NME7: variants seen among roughly 807,000 people sequenced by gnomAD.
NME7 encodes NME/NM23 family member 7.
NME7 carries 41 observed loss-of-function variants against 49.1 expected under a neutral mutation model. The observed-to-expected ratio is 0.83, with a 90% CI of 0.65 to 1.08. The LOEUF (loss-of-function observed/expected upper bound fraction) is 1.08, where lower values mean the gene tolerates loss of function less well. Ranked by LOEUF, NME7 falls within the 50% of genes least tolerant of loss-of-function variation. The pLI is 0.00. For missense variants in NME7, 423 were observed against 463.4 expected (o/e 0.91, Z 0.80); for synonymous variants, 139 against 150.6 (o/e 0.92, Z 0.56).
intron 11 of NME7, among the ~76,000 whole-genome samples, chr1:169,146,859 T>A (rs1658770062): frequency 6.6e-6 from 1 of 152,212 alleles, no homozygotes; most frequent in Non-Finnish European, 1.5e-5. Flanking sequence ...AACAGAAGTA[T>A]GTATAAGGAC....
In NME7 at chr1:169,303,437, T is replaced by C. The variant is rs1244121536; in HGVS notation, c.390-242A>G. On this transcript the variant is annotated intron_variant, in intron 4 of 11. Coordinates refer to ENST00000367811, the MANE Select transcript of NME7 (RefSeq NM_013330.5). ...AATGTTTACTTTTCTACTTATGTTA[T>C]ATATTGTCTATCTTCTTCTTTTTTT... The C allele has an allele frequency of 1.4e-5, 3 of 215,422 alleles. 1 individual carries two copies. Among genetic ancestry groups the C allele is most frequent in the South Asian group, 1.4e-4 (1 of 7,296 alleles). 13.3% of individuals were successfully genotyped at this position (215,422 alleles called of 1,614,324 possible).
At chr1:169,314,776 A>AAAAC (rs1397298931) in intron 3 of NME7, among the ~76,000 whole-genome samples, 4 of 152,084 alleles carry the variant, frequency 2.6e-5, no homozygotes, top group Admixed American at 2.0e-4. Context: ...AAAGATATAA[A>AAAAC]AAACAAACAA....
intron 1 of NME7, among the ~76,000 whole-genome samples, chr1:169,359,626 C>G (rs1653588607): frequency 6.6e-6 from 1 of 151,636 alleles, no homozygotes. Flanking sequence ...AGTAATTTTC[C>G]TATATTTCTA....
intron 10 of NME7, among the ~76,000 whole-genome samples, chr1:169,224,950 G>A (rs1434303882): frequency 6.6e-6 from 1 of 152,162 alleles, no homozygotes; most frequent in Non-Finnish European, 1.5e-5. Context: ...CTGTCTGAGG[G>A]TGGTGGGACC....
In NME7 at chr1:169,275,349, C is replaced by T. The variant is rs1409346917; in HGVS notation, c.754+11954G>A. Among the ~76,000 whole-genome samples the T allele has an allele frequency of 1.2e-4, 16 of 128,554 alleles. 1 individual carries two copies. Among genetic ancestry groups the T allele is most frequent in the African/African-American group, 3.9e-4 (15 of 38,472 alleles). The allele number at this position is 128,554 out of a possible 152,430, so 84.3% of individuals were successfully genotyped here. A position where few individuals can be genotyped will look rare whatever the true frequency, so the allele number is the denominator to read the frequency against. On this transcript the variant is annotated intron_variant, in intron 7 of 11. Coordinates refer to ENST00000367811, the MANE Select transcript of NME7 (RefSeq NM_013330.5). ...CAAAAATTAGCCGGGCATGGTGGCGCGTGCCTGTAGTCCCAGCTACACAGG... is the reference window on the plus strand; with the variant it reads ...CAAAAATTAGCCGGGCATGGTGGCGTGTGCCTGTAGTCCCAGCTACACAGG...
intron 5 of NME7, chr1:169,302,518 C>T (rs570375496): frequency 2.0e-5 from 3 of 152,240 alleles, no homozygotes; most frequent in Admixed American, 6.5e-5. Flanking sequence ...AAACCAAATA[C>T]CACATGTTCT....
At chr1:169,337,244 G>A (rs769002248) in intron 1 of NME7, among the ~76,000 whole-genome samples, 4 of 152,224 alleles carry the variant, frequency 2.6e-5, no homozygotes, top group Non-Finnish European at 5.9e-5. Flanking sequence ...TAAGGCACGC[G>A]GTGAGAAATC....
chr1:169,161,998 C>T (rs1659262091), intron 11 of NME7, among the ~76,000 whole-genome samples: 1 of 152,086 alleles, frequency 6.6e-6, no homozygotes, highest in African/African-American at 2.4e-5. Flanking sequence ...ACCGATGGAC[C>T]TCACCTTGAC....
Position 169,261,430 on chromosome 1 carries a change from G to A in NME7, c.755-23743C>T, listed in dbSNP as rs770018490. 3.7e-4 allele frequency among the ~76,000 whole-genome samples: 49 copies of A among 133,760 alleles called. 15 individuals carry two copies. Among genetic ancestry groups the A allele is most frequent in the Non-Finnish European group, 7.2e-4 (41 of 56,918 alleles). 87.8% of individuals were successfully genotyped at this position (133,760 alleles called of 152,430 possible). On this transcript the variant is annotated intron_variant, in intron 7 of 11. Transcript: ENST00000367811. Reference sequence around the variant, plus strand: ...AAACAACTGCTATAAAGAAGTAAACGTGCATTAGAGAAGCTACTTGTGTAA... The same window carrying A: ...AAACAACTGCTATAAAGAAGTAAACATGCATTAGAGAAGCTACTTGTGTAA...
In NME7 at chr1:169,212,598, C is replaced by T. The variant is rs12748602; in HGVS notation, c.990+18120G>A. 4.2e-3 allele frequency among the ~76,000 whole-genome samples: 485 copies of T among 114,342 alleles called. 5 individuals carry two copies. Among genetic ancestry groups the T allele is most frequent in the Middle Eastern group, 0.032 (7 of 222 alleles). 75.0% of individuals were successfully genotyped at this position (114,342 alleles called of 152,430 possible). A position where few individuals can be genotyped will look rare whatever the true frequency, so the allele number is the denominator to read the frequency against. On this transcript the variant is annotated intron_variant, in intron 10 of 11. Coordinates refer to ENST00000367811, the MANE Select transcript of NME7 (RefSeq NM_013330.5). ...ACACTTCACACTTTAAAACAAATGT[C>T]CTTTTTTTTTTTTTTTTTTTTAAGT...
chr1:169,215,786 G>A (rs1660957850), intron 10 of NME7, among the ~76,000 whole-genome samples: 1 of 152,130 alleles, frequency 6.6e-6, no homozygotes, highest in South Asian at 2.1e-4. Context: ...ATAAAAAGAA[G>A]GAAATCCTGC....
chr1:169,344,910 ATTG>A (rs986557399), intron 1 of NME7, among the ~76,000 whole-genome samples: 1 of 152,172 alleles, frequency 6.6e-6, no homozygotes, highest in Non-Finnish European at 1.5e-5. Flanking sequence ...TTTGTGAAAG[ATTG>A]CTATTATTTA....
chr1:169,144,137 T>C (rs905835960), intron 11 of NME7, among the ~76,000 whole-genome samples: 2 of 152,234 alleles, frequency 1.3e-5, no homozygotes, highest in Admixed American at 6.5e-5. Context: ...GTAGTTTCCC[T>C]ACATGGAATT....
intron 11 of NME7, among the ~76,000 whole-genome samples, chr1:169,139,795 A>G (rs538256033): frequency 6.6e-6 from 1 of 152,354 alleles, no homozygotes; most frequent in South Asian, 2.1e-4. Flanking sequence ...GATAGCATAC[A>G]TAATTATTCA....
At chr1:169,287,187 G>GA (rs924059840) in intron 7 of NME7, 116 bp downstream of exon 7, 36 of 877,900 alleles carry the variant, frequency 4.1e-5, no homozygotes, top group Admixed American at 6.8e-5. Flanking sequence ...TGCCTTCAAA[G>GA]AAAAAAAATG....
intron 6 of NME7, among the ~76,000 whole-genome samples, chr1:169,292,908 A>G (rs982002083): frequency 6.6e-6 from 1 of 152,126 alleles, no homozygotes; most frequent in African/African-American, 2.4e-5. Flanking sequence ...TGCTGATTCT[A>G]TTAAGGGGAT....
chr1:169,196,423 GTCTT>G (rs767337660), intron 10 of NME7, among the ~76,000 whole-genome samples: 3 of 152,004 alleles, frequency 2.0e-5, no homozygotes, highest in Non-Finnish European at 4.4e-5. Flanking sequence ...TTTGTTGTCT[GTCTT>G]TCTATTAGAA....
chr1:169,226,635 C>G (rs1362137080), intron 10 of NME7, among the ~76,000 whole-genome samples: 1 of 152,180 alleles, frequency 6.6e-6, no homozygotes, highest in African/African-American at 2.4e-5. Flanking sequence ...ACAAGATAAT[C>G]AGTTCTTAGA....
At chr1:169,145,346 A>G (rs1658717624) in intron 11 of NME7, among the ~76,000 whole-genome samples, 1 of 152,192 alleles carries the variant, frequency 6.6e-6, no homozygotes, top group South Asian at 2.1e-4. Flanking sequence ...ATAATGCATA[A>G]TGGACTTTCA....
Sources: gnomAD v4.1 joint callset for allele counts (sites outside exome capture counted in the v4.1 genomes callset) on GRCh38, gnomAD v4.1.1 for gene constraint, MANE v1.5 for transcripts, NCBI Gene and HGNC (gene_info 2026-07-23, HGNC 2026-07-21) for gene names.